Variants in KIF26B observed in about 807,000 individuals in gnomAD.
KIF26B encodes kinesin-like protein KIF26B.
KIF26B carries 63 observed loss-of-function variants against 151.2 expected under a neutral mutation model. That is an observed-to-expected ratio of 0.42 (90% CI 0.34 to 0.51). The LOEUF (loss-of-function observed/expected upper bound fraction) is 0.51. KIF26B is among the 20% of genes least tolerant of loss of function. The pLI is 0.07. For synonymous variants in KIF26B, 1,357 were observed against 1,262.1 expected, an observed-to-expected ratio of 1.08 and a Z score of -1.59; for missense variants, 2,813 against 2,913.6, an observed-to-expected ratio of 0.97 and a Z score of 0.79.
intron 4 of KIF26B, among the ~76,000 whole-genome samples, chr1:245,462,986 G>C (rs1215340048): frequency 2.0e-5 from 3 of 152,196 alleles, no homozygotes; most frequent in Non-Finnish European, 2.9e-5. Context: ...TGCACACACA[G>C]AAATTTGGCA....
At chr1:245,522,146 G>C (rs1285234745) in intron 4 of KIF26B, among the ~76,000 whole-genome samples, 3 of 152,162 alleles carry the variant, frequency 2.0e-5, no homozygotes, top group Non-Finnish European at 4.4e-5. Context: ...TGGGATTACA[G>C]GTGTGAGCCA....
rs1462960416 is a variant in KIF26B, at chr1:245,572,008, G to A, written c.1351-30569G>A. ...GAGCGTGCTGCTGGCCTTAGCAATG[G>A]GGGATTCTGTTAGAACAATATCCTC... On this transcript the variant is annotated intron_variant, in intron 5 of 14. Coordinates refer to ENST00000407071, the MANE Select transcript of KIF26B (RefSeq NM_018012.4). The surrounding 1 kb of genome is among the most constrained non-coding windows in gnomAD (Gnocchi z 4.2). Among the ~76,000 whole-genome samples the A allele has an allele frequency of 3.9e-5, 6 of 152,130 alleles. No homozygotes were observed. Among genetic ancestry groups the A allele is most frequent in the African/African-American group, 1.4e-4 (6 of 41,424 alleles).
At chr1:245,313,156 C>T (rs1236791278) in intron 2 of KIF26B, among the ~76,000 whole-genome samples, 2 of 150,848 alleles carry the variant, frequency 1.3e-5, no homozygotes, top group African/African-American at 4.9e-5. Context: ...GAGACTCCAT[C>T]TCAAAAAACA....
At chr1:245,403,835 C>T (rs188316640) in intron 3 of KIF26B, among the ~76,000 whole-genome samples, 67 of 152,292 alleles carry the variant, frequency 4.4e-4, no homozygotes, top group Middle Eastern at 3.4e-3. Context: ...ACTCTAAAGG[C>T]AAGATTGATT....
rs2042930135 is a variant in KIF26B at position 245,560,123 on chromosome 1, T to G, written c.1350+19173T>G. ...CCTCTTGTCCCTTCTCCAGGCACTG[T>G]GCCTGTGTCCCCTACTCCAGACCGT... On this transcript the variant is annotated intron_variant, in intron 5 of 14. Coordinates refer to ENST00000407071, the MANE Select transcript of KIF26B (RefSeq NM_018012.4). This position sits in a 1 kb window ranked among gnomAD's most constrained non-coding sequence, Gnocchi z 4.3. 6.6e-6 allele frequency among the ~76,000 whole-genome samples: 1 copy of G among 152,154 alleles called. No homozygotes were observed. Among genetic ancestry groups the G allele is most frequent in the South Asian group, 2.1e-4 (1 of 4,832 alleles).
Position 245,687,357 on chromosome 1 carries a change from A to C in KIF26B, c.4374A>C (p.Glu1458Asp), listed in dbSNP as rs745533540. Reference sequence around the variant, plus strand: ...AAGAGACGGCTCATCCCAATGAAGAAGGGATGATGAGGTGTGAGACTGCCA... The same window carrying C: ...AAGAGACGGCTCATCCCAATGAAGACGGGATGATGAGGTGTGAGACTGCCA... Reference protein sequence around the residue: ...VKKETAHPNEEGMMRCETATG... With the variant: ...VKKETAHPNEDGMMRCETATG... Residue 1458 changes from glutamate (E) to aspartate (D), a missense_variant, in exon 12 of 15, where the codon GAA becomes GAC. By Grantham distance (45) the Glu-to-Asp change is conservative (BLOSUM62 2). Around this residue, in one of 3 missense-constraint regions of KIF26B, gnomAD observed 2,060 missense variants for 2,088.6 expected, o/e 0.99. Coordinates refer to ENST00000407071, the MANE Select transcript of KIF26B (RefSeq NM_018012.4). This position sits in a 1 kb window ranked among gnomAD's most constrained non-coding sequence, Gnocchi z 4.9. 14 of 1,592,974 alleles carry C rather than the reference A, an allele frequency of 8.8e-6. 1 individual carries two copies. The South Asian group carries it at 1.6e-4, about 18-fold the overall frequency.
chr1:245,207,260 C>A (rs866482613), intron 2 of KIF26B, among the ~76,000 whole-genome samples: 222 of 152,336 alleles, frequency 1.5e-3, no homozygotes, highest in African/African-American at 4.9e-3. Context: ...CAGAAGGGTG[C>A]TTCTCACAGG....
At chr1:245,547,816 G>A (rs1558209413) in intron 5 of KIF26B, among the ~76,000 whole-genome samples, 1 of 152,130 alleles carries the variant, frequency 6.6e-6, no homozygotes, top group Non-Finnish European at 1.5e-5. Context: ...GGCCAGAGAT[G>A]TCTACACAGA....
rs557883574 is a variant in KIF26B at position 245,525,232 on chromosome 1, A to G, written c.1167-15535A>G. Among the ~76,000 whole-genome samples, 3 of 152,338 alleles carry G rather than the reference A, an allele frequency of 2.0e-5. No individual in the cohort carries two copies. The East Asian group carries it at 5.8e-4, about 29-fold the overall frequency. ...ATGAAGATCTAAGCCAAGACTGTCTATCTTGAAAGTAAGTTATTTCTGTCT... is the reference window on the plus strand; with the variant it reads ...ATGAAGATCTAAGCCAAGACTGTCTGTCTTGAAAGTAAGTTATTTCTGTCT... On this transcript the variant is annotated intron_variant, in intron 4 of 14. Transcript: ENST00000407071.
At chr1:245,550,209 T>C (rs563214088) in intron 5 of KIF26B, among the ~76,000 whole-genome samples, 1 of 152,244 alleles carries the variant, frequency 6.6e-6, no homozygotes, top group Non-Finnish European at 1.5e-5. Flanking sequence ...GTAGCTCATT[T>C]GAGATCTGTT....
chr1:245,651,749 T>C (rs1485918596), intron 10 of KIF26B, among the ~76,000 whole-genome samples: 1 of 152,118 alleles, frequency 6.6e-6, no homozygotes, highest in African/African-American at 2.4e-5. Flanking sequence ...TTGTGAACTG[T>C]GTGTGCGAGG....
intron 3 of KIF26B, among the ~76,000 whole-genome samples, chr1:245,403,589 T>A (rs1047397522): frequency 6.6e-6 from 1 of 151,424 alleles, no homozygotes; most frequent in African/African-American, 2.4e-5. Context: ...CATGCGTGTG[T>A]GTGCATGGGG....
rs145334903 is a variant in KIF26B, at chr1:245,627,720, A to C, written c.2098+15744A>C. On this transcript the variant is annotated intron_variant, in intron 9 of 14. Coordinates refer to ENST00000407071, the MANE Select transcript of KIF26B (RefSeq NM_018012.4). ...AGTTTTTTGAAAAAAAAAATTAAGG[A>C]AATAGACCACTTCACTAGACTAATA... is the stretch of plus-strand genomic sequence containing the variant. 9.0e-3 allele frequency among the ~76,000 whole-genome samples: 1,366 copies of C among 152,208 alleles called. 15 individuals carry two copies. Among genetic ancestry groups the C allele is most frequent in the African/African-American group, 0.031 (1,297 of 41,532 alleles).
chr1:245,258,578 C>G (rs1177774943), intron 2 of KIF26B, among the ~76,000 whole-genome samples: 1 of 152,172 alleles, frequency 6.6e-6, no homozygotes, highest in Non-Finnish European at 1.5e-5. Context: ...GAAAGTTTGT[C>G]TTACTGTGAT....
Position 245,234,108 on chromosome 1 carries a change from T to G in KIF26B, c.465+77425T>G, listed in dbSNP as rs12040708. Among the ~76,000 whole-genome samples, 576 of 151,752 alleles carry G rather than the reference T, an allele frequency of 3.8e-3. 13 individuals are homozygous for G. In the East Asian group the frequency reaches 0.084, roughly 22 times the overall value. On this transcript the variant is annotated intron_variant, in intron 2 of 14. Transcript: ENST00000407071. Reference sequence around the variant, plus strand: ...CTGAGGCAGGAGAATTGCTTGAACCTAGGAGGTGGAGGTTGCAGTGAGCCA... The same window carrying G: ...CTGAGGCAGGAGAATTGCTTGAACCGAGGAGGTGGAGGTTGCAGTGAGCCA...
intron 2 of KIF26B, among the ~76,000 whole-genome samples, chr1:245,210,733 C>T (rs1669503632): frequency 6.6e-6 from 1 of 152,036 alleles, no homozygotes; most frequent in Non-Finnish European, 1.5e-5. Flanking sequence ...TAGGCCCTGT[C>T]CTTGTGTGGG....
rs895284803 is a variant in KIF26B, at chr1:245,684,419, G to C, written c.2421+24G>C. 2.6e-6 allele frequency: 4 copies of C among 1,554,846 alleles called. No individual in the cohort carries two copies. The African/African-American group carries it at 4.1e-5, about 16-fold the overall frequency. On this transcript the variant is annotated intron_variant, in intron 11 of 14. Transcript: ENST00000407071. ...AGGTAAGGAGCTCGCGGGGTGGGGG[G>C]GTGGTGGATGAGGGAGCCTTTGGAG... is the stretch of plus-strand genomic sequence containing the variant.
chr1:245,366,778 C>T lies in KIF26B; in HGVS notation c.466-56C>T, dbSNP rs1018226528. 8 of 1,555,906 alleles carry T rather than the reference C, an allele frequency of 5.1e-6. No homozygotes were observed. In the African/African-American group the frequency reaches 9.5e-5, roughly 18 times the overall value. On this transcript the variant is annotated intron_variant, in intron 2 of 14. Transcript: ENST00000407071. ...ACTGGTAAGCCAGGTATCTGACTTG[C>T]ACTAGCAGCCTTGGAGTTATAGAAT...
chr1:245,558,071 C>T (rs1397435736), intron 5 of KIF26B, among the ~76,000 whole-genome samples: 1 of 152,200 alleles, frequency 6.6e-6, no homozygotes, highest in Admixed American at 6.5e-5. Context: ...TGATCAACTA[C>T]AGCCTCGTAG....
Sources: gnomAD v4.1 joint callset for allele counts (sites outside exome capture counted in the v4.1 genomes callset) on GRCh38, gnomAD v4.1.1 for gene constraint, gnomAD v4.1.1 regional missense constraint, Gnocchi (gnomAD v3.1) non-coding constraint, MANE v1.5 for transcripts, NCBI Gene and HGNC (gene_info 2026-07-23, HGNC 2026-07-21) for gene names.